The following ZNF709 variants were observed in gnomAD, a reference collection of about 807,000 sequenced individuals.
ZNF709 encodes zinc finger protein 709.
Under a neutral mutation model 10.6 loss-of-function variants are expected in ZNF709, and 15 were observed. The ratio of observed to expected loss-of-function variants is 1.41; its 90% CI spans 0.95 to 2.18. The LOEUF (loss-of-function observed/expected upper bound fraction) is 2.18, where lower values mean the gene tolerates loss of function less well. Ranked by LOEUF, ZNF709 falls within the 30% of genes most tolerant of loss-of-function variation. The pLI is 0.00. For synonymous variants in ZNF709, 194 were observed against 238.8 expected (o/e 0.81, Z 1.73); for missense variants, 589 against 774.0 (o/e 0.76, Z 2.84).
chr19:12,483,462 T>C (rs974000722), intron 1 of ZNF709, among the ~76,000 whole-genome samples: 4 of 152,064 alleles, frequency 2.6e-5, no homozygotes, highest in African/African-American at 9.7e-5. Context: ...CTTGATATTT[T>C]ATTATTTTCT....
intron 3 of ZNF709, among the ~76,000 whole-genome samples, chr19:12,466,107 AT>A (rs1417310077): frequency 2.0e-5 from 3 of 152,080 alleles, no homozygotes; most frequent in African/African-American, 7.2e-5. Flanking sequence ...CACCTGGCTA[AT>A]TTTTGCATTT....
At chr19:12,468,079 C>T (rs1970598441) in intron 1 of ZNF709, among the ~76,000 whole-genome samples, 1 of 149,672 alleles carries the variant, frequency 6.7e-6, no homozygotes, top group Non-Finnish European at 1.5e-5. Context: ...GGTGGGGGGT[C>T]AGCCCCCGCC....
chr19:12,483,338 G>T (rs924655417), intron 1 of ZNF709, among the ~76,000 whole-genome samples: 1 of 133,274 alleles, frequency 7.5e-6, no homozygotes, highest in Non-Finnish European at 1.6e-5. Context: ...TTTTCTAGTA[G>T]AGATGAGGTC....
chr19:12,470,401 C>T (rs550791779), intron 1 of ZNF709, among the ~76,000 whole-genome samples: 1 of 152,310 alleles, frequency 6.6e-6, no homozygotes, highest in South Asian at 2.1e-4. Flanking sequence ...GTTCCTTGTA[C>T]AGTGGTTCTA....
chr19:12,481,597 CAA>C (rs1194169804), intron 1 of ZNF709, among the ~76,000 whole-genome samples: 1 of 151,988 alleles, frequency 6.6e-6, no homozygotes, highest in East Asian at 1.9e-4. Flanking sequence ...CTTACATTTT[CAA>C]ACCCAAGAAA....
At chr19:12,482,386 G>A (rs953272028) in intron 1 of ZNF709, among the ~76,000 whole-genome samples, 1 of 150,802 alleles carries the variant, frequency 6.6e-6, no homozygotes, top group Non-Finnish European at 1.5e-5. Flanking sequence ...GGCACCTGAG[G>A]AGCCAAAGGA....
intron 1 of ZNF709, among the ~76,000 whole-genome samples, chr19:12,471,725 T>C (rs1195920576): frequency 1.3e-5 from 2 of 152,208 alleles, no homozygotes; most frequent in Non-Finnish European, 2.9e-5. Context: ...AACACTTCAA[T>C]ATATGCAGAA....
At chr19:12,466,994 A>T in intron 1 of ZNF709, 144 bp from the exon 2 acceptor site, 1 of 1,231,538 alleles carries the variant, frequency 8.1e-7, no homozygotes, top group South Asian at 1.6e-5. Flanking sequence ...GTCCACACTT[A>T]CTTCTTCATA....
intron 1 of ZNF709, among the ~76,000 whole-genome samples, chr19:12,472,525 A>AG (rs953708457): frequency 1.3e-5 from 2 of 150,174 alleles, no homozygotes; most frequent in African/African-American, 4.9e-5. Context: ...CCATCTCAAA[A>AG]AAAAAAAAAA....
At chr19:12,479,351 G>T (rs993368363) in intron 1 of ZNF709, among the ~76,000 whole-genome samples, 1 of 152,142 alleles carries the variant, frequency 6.6e-6, no homozygotes, top group African/African-American at 2.4e-5. Context: ...GGTGGCTAGA[G>T]CAAGTGCCCT....
chr19:12,464,422 T>C lies in ZNF709; in HGVS notation c.1500A>G (p.Gly500=), dbSNP rs754648531. 1 of 1,612,766 alleles carries C rather than the reference T, an allele frequency of 6.2e-7. No individual in the cohort carries two copies. Among genetic ancestry groups the C allele is most frequent in the Non-Finnish European group, 8.5e-7 (1 of 1,179,460 alleles). The part of the protein sequence containing the change: ...SFRMHERTHT[G]EKPYECKQCG... ...ATTGTTTACATTCATAGGGTTTCTCTCCAGTGTGAGTCCTTTCATGCATCC... is the reference window on the plus strand; with the variant it reads ...ATTGTTTACATTCATAGGGTTTCTCCCCAGTGTGAGTCCTTTCATGCATCC... Residue 500 remains glycine (G), a synonymous_variant, in exon 4 of 4, where the codon GGA becomes GGG. Transcript: ENST00000397732.
At chr19:12,483,259 G>T (rs1038174665) in intron 1 of ZNF709, among the ~76,000 whole-genome samples, 4 of 151,510 alleles carry the variant, frequency 2.6e-5, no homozygotes, top group Admixed American at 2.6e-4. Flanking sequence ...TCCCGCCTCG[G>T]CCTCCCAAGT....
chr19:12,463,846 G>C lies in ZNF709; in HGVS notation c.*150C>G, dbSNP rs982783239. On this transcript the variant is annotated 3_prime_UTR_variant, in exon 4 of 4. Coordinates refer to ENST00000397732, the MANE Select transcript of ZNF709 (RefSeq NM_152601.4). ...GGAAGCTGAGGCAGGAGAATCGCTTGAACCCAGGAGACAGAGGTTGCAGTG... is the reference window on the plus strand; with the variant it reads ...GGAAGCTGAGGCAGGAGAATCGCTTCAACCCAGGAGACAGAGGTTGCAGTG... The C allele has an allele frequency of 3.6e-6, 2 of 559,420 alleles. No individual in the cohort carries two copies. The highest frequency in any genetic ancestry group is 5.6e-6 in the Non-Finnish European group (2 of 360,286). 34.7% of individuals were successfully genotyped at this position (559,420 alleles called of 1,614,324 possible). A position where few individuals can be genotyped will look rare whatever the true frequency, so the allele number is the denominator to read the frequency against.
chr19:12,473,206 G>A (rs891435535), intron 1 of ZNF709, among the ~76,000 whole-genome samples: 5 of 152,246 alleles, frequency 3.3e-5, no homozygotes, highest in Admixed American at 2.6e-4. Context: ...TTTCACAAGA[G>A]CAAAAAATGA....
At chr19:12,473,866 G>A (rs1970655226) in intron 1 of ZNF709, among the ~76,000 whole-genome samples, 1 of 152,214 alleles carries the variant, frequency 6.6e-6, no homozygotes, top group South Asian at 2.1e-4. Flanking sequence ...AACATAGTGA[G>A]ATCACATCTC....
chr19:12,468,329 T>C (rs902587163), intron 1 of ZNF709, among the ~76,000 whole-genome samples: 3 of 152,058 alleles, frequency 2.0e-5, no homozygotes, highest in African/African-American at 7.2e-5. Flanking sequence ...ATGGGAGACT[T>C]TTCATTTTGT....
At position 12,465,746 on chromosome 19, in the gene ZNF709, A is replaced by T. The variant is rs891869985; in HGVS notation, c.189-13T>A. On this transcript the variant is annotated splice_polypyrimidine_tract_variant and intron_variant, in intron 3 of 3. Transcript: ENST00000397732. ...TACCATATGACTTCTGTGAGAAAAA[A>T]ACAAAACAAAACGCACAATTAGTGG... 1 of 1,479,754 alleles carries T rather than the reference A, an allele frequency of 6.8e-7. No individual in the cohort carries two copies. The highest frequency in any genetic ancestry group is 8.9e-7 in the Non-Finnish European group (1 of 1,120,758). 91.7% of individuals were successfully genotyped at this position (1,479,754 alleles called of 1,614,324 possible). A position where few individuals can be genotyped will look rare whatever the true frequency, so the allele number is the denominator to read the frequency against.
In ZNF709 at chr19:12,466,519, C is replaced by T. The variant is rs1197937491; in HGVS notation, c.131G>A (p.Gly44Glu). The change falls in exon 3 of 4, where the codon GGG becomes GAG. Residue 44 changes from glycine (G) to glutamate (E), a missense_variant and splice_region_variant. Gly to Glu is a moderately conservative substitution (Grantham distance 98). Transcript: ENST00000397732. ...QETFVNLASIGENWEEKNIED... is the reference protein window; with the variant it reads ...QETFVNLASIEENWEEKNIED... ...AATGTTCTTCTCCTCCCAGTTTTCC[C>T]CTAAAATGCAGGCCCAGAAAAATCA... 6.2e-7 allele frequency: 1 copy of T among 1,613,850 alleles called. No homozygotes were observed. Among genetic ancestry groups the T allele is most frequent in the Non-Finnish European group, 8.5e-7 (1 of 1,180,008 alleles).
chr19:12,476,243 T>C (rs1453319358), intron 1 of ZNF709, among the ~76,000 whole-genome samples: 2 of 151,946 alleles, frequency 1.3e-5, no homozygotes, highest in Non-Finnish European at 2.9e-5. Context: ...AATACAAAAA[T>C]TAGCCAGGTG....
Sources: allele counts gnomAD v4.1 joint callset (sites outside exome capture counted in the v4.1 genomes callset), GRCh38; gene constraint gnomAD v4.1.1; transcripts MANE v1.5; gene names NCBI Gene and HGNC (gene_info 2026-07-23, HGNC 2026-07-21).